Variants in DENND2B observed in about 807,000 individuals in gnomAD.
The protein encoded by DENND2B is DENN domain-containing protein 2B.
Under a neutral mutation model 116.0 loss-of-function variants are expected in DENND2B, and 32 were observed. That is an observed-to-expected ratio of 0.28 (90% confidence interval 0.21 to 0.37). The LOEUF is 0.37. Among genes scored for constraint, DENND2B ranks in the 10% least tolerant of loss-of-function variants. The probability of loss-of-function intolerance (pLI) is 1.00; values close to 1 mark genes in which losing one functional copy is unlikely to be tolerated. For missense variants in DENND2B, 1,276 were observed against 1,477.7 expected (o/e 0.86, Z 2.24); for synonymous variants, 588 against 583.9 (o/e 1.01, Z -0.10).
Position 8,712,524 on chromosome 11 carries a change from G to A in DENND2B, c.2172+27C>T. ...AGAGGATGGAAGAGGGGGAATATGG[G>A]CAAGGTGGGGAGAGAGAAGGCCTCA... On this transcript the variant is annotated intron_variant, in intron 9 of 19. Coordinates refer to ENST00000313726, the MANE Select transcript of DENND2B (RefSeq NM_213618.2). This position sits in a 1 kb window ranked among gnomAD's most constrained non-coding sequence, Gnocchi z 4.4. The A allele has an allele frequency of 1.3e-6, 2 of 1,542,426 alleles. No individual in the cohort carries two copies. Among genetic ancestry groups the A allele is most frequent in the South Asian group, 1.2e-5 (1 of 83,272 alleles).
chr11:8,733,843 T>C (rs1417391956), intron 2 of DENND2B, among the ~76,000 whole-genome samples: 1 of 152,214 alleles, frequency 6.6e-6, no homozygotes, highest in Non-Finnish European at 1.5e-5. Context: ...TCTCAATGCC[T>C]ACCCTGCTTC....
Position 8,731,067 on chromosome 11 carries a change from G to C in DENND2B, c.223C>G (p.Pro75Ala). The change falls in exon 3 of 20, where the codon CCT becomes GCT. Residue 75 changes from proline to alanine, a missense_variant. Coordinates refer to ENST00000313726, the MANE Select transcript of DENND2B (RefSeq NM_213618.2). ...GGATCTTGAGGATTCTGGGGTGAAG[G>C]AGCTGGGGGGTGCCGGTCCTTGAGG... ...VLLKDRHPPA[P>A]SPQNPQDPSP... is the part of the protein sequence containing the mutation. 6.2e-7 allele frequency: 1 copy of C among 1,613,760 alleles called. No homozygotes were observed. The highest frequency in any genetic ancestry group is 1.7e-5 in the Admixed American group (1 of 60,022).
chr11:8,851,249 C>T (rs1301748212), intron 3 of DENND2B, among the ~76,000 whole-genome samples: 1 of 151,228 alleles, frequency 6.6e-6, no homozygotes, highest in African/African-American at 2.4e-5. Context: ...CTTAGTCATT[C>T]TAAATATATA....
intron 2 of DENND2B, among the ~76,000 whole-genome samples, chr11:8,869,047 G>A (rs1883098): frequency 0.55 from 83,564 of 152,134 alleles, 23,104 homozygotes; most frequent in Middle Eastern, 0.74. Context: ...GCGGCCCCAG[G>A]CGATTCTTCT....
At chr11:8,858,796 G>A (rs1377759509) in intron 2 of DENND2B, among the ~76,000 whole-genome samples, 2 of 152,186 alleles carry the variant, frequency 1.3e-5, no homozygotes, top group Admixed American at 6.5e-5. Context: ...TGGCTCTCCA[G>A]CTTATAAGCT....
At chr11:8,808,147 C>T (rs1404753100) in intron 1 of DENND2B, 1 of 152,234 alleles carries the variant, frequency 6.6e-6, no homozygotes, top group Non-Finnish European at 1.5e-5. Flanking sequence ...CCTGAAAGAC[C>T]TGCCCAGCCC....
chr11:8,696,657 G>T lies in DENND2B; in HGVS notation c.3062C>A (p.Thr1021Asn). Residue 1021 changes from threonine (T) to asparagine (N), a missense_variant, in exon 18 of 20, where the codon ACC becomes AAC. Thr to Asn is a moderately conservative substitution (Grantham distance 65, BLOSUM62 0). Around this residue, in one of 2 missense-constraint regions of DENND2B, gnomAD observed 420 missense variants for 631.1 expected, o/e 0.67. Coordinates refer to ENST00000313726, the MANE Select transcript of DENND2B (RefSeq NM_213618.2). The stretch of plus-strand genomic sequence containing the variant: ...CACCTCCGACACCAGCCCATTGAGG[G>T]TATTACATTCTGGAAGGGAAAAGAC... Reference protein sequence around the residue: ...SDSDSDDECNTLNGLVSEVFI... With the variant: ...SDSDSDDECNNLNGLVSEVFI... 6.2e-7 allele frequency: 1 copy of T among 1,613,912 alleles called. No individual in the cohort carries two copies. The highest frequency in any genetic ancestry group is 8.5e-7 in the Non-Finnish European group (1 of 1,179,848).
At chr11:8,865,258 G>A (rs1398208183) in intron 2 of DENND2B, among the ~76,000 whole-genome samples, 2 of 152,126 alleles carry the variant, frequency 1.3e-5, no homozygotes, top group African/African-American at 4.8e-5. Context: ...TAAAGGACTT[G>A]AGTAAAATTC....
upstream of DENND2B, among the ~76,000 whole-genome samples, chr11:8,872,485 T>TAAAAAAAAAA (rs398044981): frequency 1.9e-5 from 2 of 102,932 alleles, no homozygotes; most frequent in African/African-American, 4.2e-5. Flanking sequence ...AGACTCCGTC[T>TAAAAAAAAAA]AAAAAAAAAA....
At chr11:8,859,632 T>C (rs771368088) in intron 2 of DENND2B, among the ~76,000 whole-genome samples, 7 of 152,176 alleles carry the variant, frequency 4.6e-5, no homozygotes, top group East Asian at 1.9e-4. Flanking sequence ...TACTCATTCA[T>C]GGATTATATC....
chr11:8,850,847 A>T (rs2062980482), intron 3 of DENND2B, among the ~76,000 whole-genome samples: 1 of 151,628 alleles, frequency 6.6e-6, no homozygotes, highest in Non-Finnish European at 1.5e-5. Context: ...ATTCAGCTAT[A>T]AAAAAAGAAG....
chr11:8,830,396 T>C (rs147171681), intron 4 of DENND2B, among the ~76,000 whole-genome samples: 2,063 of 152,378 alleles, frequency 0.014, 20 homozygotes, highest in Non-Finnish European at 0.023. Context: ...AATGTATCCA[T>C]GGTTCGTAAA....
chr11:8,842,914 T>C (rs2062673493), intron 3 of DENND2B, among the ~76,000 whole-genome samples: 1 of 152,176 alleles, frequency 6.6e-6, no homozygotes, highest in Non-Finnish European at 1.5e-5. Flanking sequence ...TGTTTAGGAC[T>C]CTGTAAAGGC....
At position 8,712,146 on chromosome 11, in the gene DENND2B, G is replaced by C; in HGVS notation, c.2172+405C>G. 2.7e-6 allele frequency: 1 copy of C among 375,268 alleles called. No individual in the cohort carries two copies. The highest frequency in any genetic ancestry group is 5.4e-6 in the Non-Finnish European group (1 of 186,246). 23.2% of individuals were successfully genotyped at this position (375,268 alleles called of 1,614,324 possible). A position where few individuals can be genotyped will look rare whatever the true frequency, so the allele number is the denominator to read the frequency against. On this transcript the variant is annotated intron_variant, in intron 9 of 19. Transcript: ENST00000313726. The surrounding 1 kb of genome is among the most constrained non-coding windows in gnomAD (Gnocchi z 4.4). Reference sequence around the variant, plus strand: ...GGCGGAGTGAGAGACAGGCTGGTGGGAGAAGTGCGGAGTGACAGCTAGTGG... The same window carrying C: ...GGCGGAGTGAGAGACAGGCTGGTGGCAGAAGTGCGGAGTGACAGCTAGTGG...
chr11:8,768,342 G>T (rs1469162952), intron 1 of DENND2B, among the ~76,000 whole-genome samples: 1 of 152,090 alleles, frequency 6.6e-6, no homozygotes, highest in African/African-American at 2.4e-5. Context: ...TAAAACTTGG[G>T]CTCAAGTGAT....
intron 3 of DENND2B, among the ~76,000 whole-genome samples, chr11:8,854,106 A>G (rs2063113641): frequency 6.9e-6 from 1 of 144,742 alleles, no homozygotes; most frequent in African/African-American, 2.6e-5. Context: ...GCCTCAAGCA[A>G]TCCTCCTGCC....
intron 1 of DENND2B, chr11:8,807,731 G>T: frequency 6.6e-6 from 1 of 152,384 alleles, no homozygotes; most frequent in Non-Finnish European, 1.5e-5. Context: ...GGGAGTCGGG[G>T]AACAGCTGCA....
At chr11:8,787,672 C>T (rs2134305902) in intron 1 of DENND2B, among the ~76,000 whole-genome samples, 1 of 152,352 alleles carries the variant, frequency 6.6e-6, no homozygotes, top group African/African-American at 2.4e-5. Context: ...CGTCCATGGG[C>T]ACAGACTCCT....
intron 2 of DENND2B, among the ~76,000 whole-genome samples, chr11:8,859,299 TTTG>T (rs2063309287): frequency 4.8e-5 from 4 of 83,528 alleles, no homozygotes; most frequent in Admixed American, 1.2e-4. Context: ...TGTTTTTTTG[TTTG>T]TTTGTTTGTT....
Sources: gnomAD v4.1 joint callset for allele counts (sites outside exome capture counted in the v4.1 genomes callset) on GRCh38, gnomAD v4.1.1 for gene constraint, gnomAD v4.1.1 regional missense constraint, Gnocchi (gnomAD v3.1) non-coding constraint, MANE v1.5 for transcripts, NCBI Gene and HGNC (gene_info 2026-07-23, HGNC 2026-07-21) for gene names.